The following ZRANB3 variants were observed in gnomAD, a reference collection of about 807,000 sequenced individuals.
ZRANB3 encodes the protein DNA annealing helicase and endonuclease ZRANB3.
Under a neutral mutation model 133.8 loss-of-function variants are expected in ZRANB3, and 125 were observed. That is an observed-to-expected ratio of 0.93 (90% CI 0.81 to 1.08). The LOEUF is 1.08. ZRANB3 is among the 50% of genes least tolerant of loss of function. The probability of loss-of-function intolerance (pLI) is 0.00; values close to 1 mark genes in which losing one functional copy is unlikely to be tolerated. For synonymous variants in ZRANB3, 387 were observed against 432.7 expected, an observed-to-expected ratio of 0.89 and a Z score of 1.31; for missense variants, 1,229 against 1,275.5, an observed-to-expected ratio of 0.96 and a Z score of 0.56.
chr2:135,332,508 T>C (rs910252525), intron 6 of ZRANB3, among the ~76,000 whole-genome samples: 1 of 152,158 alleles, frequency 6.6e-6, no homozygotes, highest in African/African-American at 2.4e-5. Context: ...GAACTGAATA[T>C]GAGATTCCTC....
At chr2:135,467,488 T>A (rs1691051170) in intron 2 of ZRANB3, among the ~76,000 whole-genome samples, 1 of 152,206 alleles carries the variant, frequency 6.6e-6, no homozygotes, top group Non-Finnish European at 1.5e-5. Context: ...ACTATGCCCA[T>A]CTCTGCCCTC....
chr2:135,334,722 C>T (rs1162498774), intron 6 of ZRANB3, among the ~76,000 whole-genome samples: 30 of 151,314 alleles, frequency 2.0e-4, no homozygotes, highest in African/African-American at 7.1e-4. Flanking sequence ...GGTGAAACCC[C>T]GTCTCTACTA....
intron 2 of ZRANB3, among the ~76,000 whole-genome samples, chr2:135,446,050 C>G (rs541438197): frequency 6.6e-6 from 1 of 151,156 alleles, no homozygotes; most frequent in East Asian, 2.0e-4. Flanking sequence ...ACTAAAAATA[C>G]AAAAACTTAG....
At chr2:135,506,859 T>G (rs1040988185) in intron 1 of ZRANB3, among the ~76,000 whole-genome samples, 1 of 152,158 alleles carries the variant, frequency 6.6e-6, no homozygotes. Context: ...CTCCACTGCT[T>G]CAGTAGGCAA....
At chr2:135,263,595 T>G (rs1680071384) in intron 12 of ZRANB3, among the ~76,000 whole-genome samples, 1 of 152,106 alleles carries the variant, frequency 6.6e-6, no homozygotes, top group African/African-American at 2.4e-5. Context: ...AAAATTTAGG[T>G]GAACCTGTTA....
chr2:135,441,919 C>T (rs1689796579), intron 2 of ZRANB3, among the ~76,000 whole-genome samples: 1 of 152,154 alleles, frequency 6.6e-6, no homozygotes. Context: ...AGTCCATCAT[C>T]TCAGTCTAAA....
intron 3 of ZRANB3, among the ~76,000 whole-genome samples, chr2:135,372,030 T>C (rs1426774385): frequency 3.9e-5 from 6 of 151,992 alleles, no homozygotes; most frequent in Admixed American, 2.0e-4. Context: ...TAGCCAGGTG[T>C]GGTGGCAGGT....
At chr2:135,277,306 C>T (rs1680875351) in intron 8 of ZRANB3, among the ~76,000 whole-genome samples, 1 of 152,186 alleles carries the variant, frequency 6.6e-6, no homozygotes. Context: ...ACATCCCATT[C>T]AGATCACCAT....
intron 12 of ZRANB3, among the ~76,000 whole-genome samples, chr2:135,236,254 G>A: frequency 6.6e-6 from 1 of 152,032 alleles, no homozygotes; most frequent in East Asian, 1.9e-4. Context: ...CCTCTTCAAG[G>A]AGAACTACAA....
intron 2 of ZRANB3, among the ~76,000 whole-genome samples, chr2:135,465,114 T>C (rs1690926685): frequency 6.6e-6 from 1 of 152,252 alleles, no homozygotes; most frequent in African/African-American, 2.4e-5. Context: ...GGAGGTATTT[T>C]GTAAACAATT....
chr2:135,480,064 G>C (rs1480667755), intron 2 of ZRANB3, among the ~76,000 whole-genome samples: 1 of 151,362 alleles, frequency 6.6e-6, no homozygotes. Flanking sequence ...CTCCAAGGTA[G>C]CTGGGACTAC....
At chr2:135,294,422 C>T (rs1681926120) in intron 8 of ZRANB3, among the ~76,000 whole-genome samples, 1 of 152,146 alleles carries the variant, frequency 6.6e-6, no homozygotes, top group African/African-American at 2.4e-5. Context: ...GTTTGTATTT[C>T]TGTGGGATCG....
chr2:135,217,718 T>TA, intron 16 of ZRANB3, 111 bp from the exon 17 acceptor site: 1 of 1,327,698 alleles, frequency 7.5e-7, no homozygotes, highest in Non-Finnish European at 1.0e-6. Context: ...GTCCCCCAAA[T>TA]AGGCTTTTGA....
Position 135,197,480 on chromosome 2 carries a change from A to C in ZRANB3, c.*2862T>G, listed in dbSNP as rs755194813. On this transcript the variant is annotated 3_prime_UTR_variant, in exon 21 of 21. Transcript: ENST00000264159. ...AGTTAAGAAAATGTAGAGGGTATTC[A>C]CTTGTCACAGGAAAATCTCCCCAAG... 6.6e-6 allele frequency: 1 copy of C among 152,280 alleles called. No individual in the cohort carries two copies. Among genetic ancestry groups the C allele is most frequent in the Non-Finnish European group, 1.5e-5 (1 of 68,052 alleles). The allele number at this position is 152,280 out of a possible 1,614,324, so 9.4% of individuals were successfully genotyped here.
At chr2:135,291,576 TTA>T (rs1486547606) in intron 8 of ZRANB3, among the ~76,000 whole-genome samples, 1 of 150,850 alleles carries the variant, frequency 6.6e-6, no homozygotes, top group Non-Finnish European at 1.5e-5. Context: ...TTTTTTATTT[TTA>T]TTTTATTTTA....
chr2:135,388,226 G>A (rs1292068714), intron 3 of ZRANB3, among the ~76,000 whole-genome samples: 1 of 152,138 alleles, frequency 6.6e-6, no homozygotes, highest in African/African-American at 2.4e-5. Context: ...AGAACAGCAT[G>A]GGAGAGACCC....
chr2:135,301,080 G>A (rs1330625049), intron 8 of ZRANB3, among the ~76,000 whole-genome samples: 2 of 151,976 alleles, frequency 1.3e-5, no homozygotes, highest in South Asian at 2.1e-4. Flanking sequence ...GCACGATCGT[G>A]GCTCACTGCA....
intron 12 of ZRANB3, among the ~76,000 whole-genome samples, chr2:135,255,104 T>G (rs1466810293): frequency 1.3e-5 from 2 of 152,082 alleles, no homozygotes; most frequent in East Asian, 3.9e-4. Context: ...TAGGCAATGT[T>G]AAATAAAATG....
chr2:135,381,916 A>C (rs1686719040), intron 3 of ZRANB3, among the ~76,000 whole-genome samples: 1 of 152,198 alleles, frequency 6.6e-6, no homozygotes, highest in Non-Finnish European at 1.5e-5. Context: ...AAAAACTGAA[A>C]ATTCTAAAAA....
Sources: allele counts gnomAD v4.1 joint callset (sites outside exome capture counted in the v4.1 genomes callset), GRCh38; gene constraint gnomAD v4.1.1; transcripts MANE v1.5; gene names NCBI Gene and HGNC (gene_info 2026-07-23, HGNC 2026-07-21).